ERBB4: variants seen among roughly 807,000 people sequenced by gnomAD.
The protein encoded by ERBB4 is receptor tyrosine-protein kinase erbB-4.
Under a neutral mutation model 158.0 loss-of-function variants are expected in ERBB4, and 42 were observed. The ratio of observed to expected loss-of-function variants is 0.27; its 90% confidence interval spans 0.21 to 0.34. The LOEUF (loss-of-function observed/expected upper bound fraction) is 0.34. ERBB4 is among the 10% of genes least tolerant of loss of function. ERBB4 has a pLI of 1.00. For missense variants in ERBB4, 1,333 were observed against 1,624.1 expected, an observed-to-expected ratio of 0.82 and a Z score of 3.08; for synonymous variants, 583 against 558.7, an observed-to-expected ratio of 1.04 and a Z score of -0.61.
intron 5 of ERBB4, among the ~76,000 whole-genome samples, chr2:211,749,323 C>T (rs1251247272): frequency 1.3e-5 from 2 of 152,144 alleles, no homozygotes; most frequent in African/African-American, 2.4e-5. Context: ...ATAATTCATA[C>T]ACATGCATGG....
chr2:211,480,932 C>T (rs1267710160), intron 20 of ERBB4, among the ~76,000 whole-genome samples: 1 of 152,178 alleles, frequency 6.6e-6, no homozygotes, highest in Non-Finnish European at 1.5e-5. Flanking sequence ...ATATTCATTA[C>T]AACTGAAATA....
At chr2:212,538,144 GAAC>G (rs1294161199) in intron 1 of ERBB4, among the ~76,000 whole-genome samples, 1 of 152,152 alleles carries the variant, frequency 6.6e-6, no homozygotes, top group Non-Finnish European at 1.5e-5. Flanking sequence ...CCCATGTCCC[GAAC>G]AACAGGCGCC....
At chr2:212,230,977 C>T (rs1034442800) in intron 1 of ERBB4, among the ~76,000 whole-genome samples, 1 of 152,124 alleles carries the variant, frequency 6.6e-6, no homozygotes, top group Non-Finnish European at 1.5e-5. Flanking sequence ...TTGCAAAATA[C>T]TGTCATATTT....
chr2:211,699,426 C>T (rs2073151132), intron 12 of ERBB4, among the ~76,000 whole-genome samples: 1 of 152,020 alleles, frequency 6.6e-6, no homozygotes, highest in African/African-American at 2.4e-5. Context: ...ACAAAGAGTA[C>T]TGGGGATTGT....
At chr2:211,437,444 A>T (rs1423855698) in intron 20 of ERBB4, among the ~76,000 whole-genome samples, 2 of 152,210 alleles carry the variant, frequency 1.3e-5, no homozygotes, top group African/African-American at 2.4e-5. Context: ...TAATTTTCAA[A>T]TAATGGTATT....
At chr2:212,121,743 CA>C (rs11316173) in intron 2 of ERBB4, among the ~76,000 whole-genome samples, 80,023 of 151,872 alleles carry the variant, frequency 0.53, 21,813 homozygotes, top group Non-Finnish European at 0.59. Context: ...GATTTATTTG[CA>C]ATGTATATTC....
chr2:211,883,630 A>G (rs544271366), intron 3 of ERBB4, among the ~76,000 whole-genome samples: 20 of 151,990 alleles, frequency 1.3e-4, no homozygotes, highest in African/African-American at 1.7e-4. Context: ...CACTAAAAAT[A>G]CAAAAATTAT....
Position 212,081,819 on chromosome 2 carries a change from G to A in ERBB4, c.234+42933C>T, listed in dbSNP as rs190507390. Among the ~76,000 whole-genome samples the A allele has an allele frequency of 1.3e-3, 195 of 152,146 alleles. 1 individual carries two copies. Among genetic ancestry groups the A allele is most frequent in the African/African-American group, 4.4e-3 (182 of 41,536 alleles). On this transcript the variant is annotated intron_variant, in intron 2 of 27. Transcript: ENST00000342788. ...GTTAAGAATATGTAGGTACTTAAAG[G>A]GCTGTCAGTTCTGGGTTTTTTATAT...
intron 3 of ERBB4, among the ~76,000 whole-genome samples, chr2:211,931,553 C>A (rs568608388): frequency 6.6e-6 from 1 of 151,756 alleles, no homozygotes; most frequent in African/African-American, 2.4e-5. Context: ...ATGTGACTCA[C>A]ATTTTGCCTT....
At position 212,037,547 on chromosome 2, in the gene ERBB4, G is replaced by A. The variant is rs561940054; in HGVS notation, c.234+87205C>T. Among the ~76,000 whole-genome samples the A allele has an allele frequency of 1.1e-4, 16 of 152,274 alleles. No individual in the cohort carries two copies. The South Asian group carries it at 2.3e-3, about 22-fold the overall frequency. Reference sequence around the variant, plus strand: ...AGCTAATAACATTCAAGATTTGTACGTTCCTTATGTAAGTTAAAGTGGACA... The same window carrying A: ...AGCTAATAACATTCAAGATTTGTACATTCCTTATGTAAGTTAAAGTGGACA... On this transcript the variant is annotated intron_variant, in intron 2 of 27. Transcript: ENST00000342788.
At chr2:211,887,777 T>C (rs2078843862) in intron 3 of ERBB4, among the ~76,000 whole-genome samples, 1 of 152,222 alleles carries the variant, frequency 6.6e-6, no homozygotes, top group South Asian at 2.1e-4. Flanking sequence ...ATACTTAATA[T>C]GTTTATTGTC....
At chr2:211,870,774 AC>A (rs2078324697) in intron 3 of ERBB4, among the ~76,000 whole-genome samples, 1 of 152,150 alleles carries the variant, frequency 6.6e-6, no homozygotes, top group South Asian at 2.1e-4. Context: ...CTCAGTGTCT[AC>A]TTGTATGAAT....
At chr2:212,011,481 T>C (rs2076385659) in intron 2 of ERBB4, among the ~76,000 whole-genome samples, 1 of 152,130 alleles carries the variant, frequency 6.6e-6, no homozygotes, top group South Asian at 2.1e-4. Context: ...CTAGGTGCAG[T>C]GACTCAGGCC....
intron 3 of ERBB4, among the ~76,000 whole-genome samples, chr2:211,883,549 G>A (rs35930310): frequency 0.057 from 8,726 of 152,212 alleles, 351 homozygotes; most frequent in Non-Finnish European, 0.086. Flanking sequence ...AGGCCGAGGC[G>A]TGAAGATTGC....
At chr2:212,206,713 AG>A (rs1174995555) in intron 1 of ERBB4, among the ~76,000 whole-genome samples, 3 of 150,938 alleles carry the variant, frequency 2.0e-5, no homozygotes, top group Non-Finnish European at 4.4e-5. Flanking sequence ...CAGCCTCCCG[AG>A]TAGCTGGGAC....
intron 1 of ERBB4, among the ~76,000 whole-genome samples, chr2:212,193,831 T>C (rs1456906167): frequency 6.6e-6 from 1 of 152,100 alleles, no homozygotes; most frequent in Admixed American, 6.6e-5. Context: ...CTAAAAAATA[T>C]GTCATTACAA....
intron 20 of ERBB4, among the ~76,000 whole-genome samples, chr2:211,515,896 T>TTATATATATATATATATATATATATATA (rs1206265176): frequency 7.9e-5 from 7 of 88,956 alleles, no homozygotes; most frequent in East Asian, 3.6e-4. Flanking sequence ...AAAACATATA[T>TTATATATATATATATATATATATATATA]TATATATATA....
chr2:211,916,856 T>C (rs2079707826), intron 3 of ERBB4, among the ~76,000 whole-genome samples: 1 of 152,224 alleles, frequency 6.6e-6, no homozygotes, highest in South Asian at 2.1e-4. Flanking sequence ...TATTTTCTTC[T>C]TAAGAATATT....
At chr2:212,207,741 G>C (rs1466986471) in intron 1 of ERBB4, among the ~76,000 whole-genome samples, 1 of 151,242 alleles carries the variant, frequency 6.6e-6, no homozygotes, top group Non-Finnish European at 1.5e-5. Context: ...CAAGACACTT[G>C]AACTCTCTAC....
Sources: gnomAD v4.1 joint callset for allele counts (sites outside exome capture counted in the v4.1 genomes callset) on GRCh38, gnomAD v4.1.1 for gene constraint, MANE v1.5 for transcripts, NCBI Gene and HGNC (gene_info 2026-07-23, HGNC 2026-07-21) for gene names.